Variants in ARHGAP22 observed in about 807,000 individuals in gnomAD.
ARHGAP22 encodes Rho GTPase activating protein 22.
ARHGAP22 carries 48 observed loss-of-function variants against 59.1 expected under a neutral mutation model. The observed-to-expected ratio is 0.81, with a 90% CI of 0.64 to 1.03. The LOEUF (loss-of-function observed/expected upper bound fraction) is 1.03, where lower values mean the gene tolerates loss of function less well. Among genes scored for constraint, ARHGAP22 ranks in the 50% least tolerant of loss-of-function variants. The pLI is 0.00. For missense variants in ARHGAP22, 1,015 were observed against 958.7 expected (o/e 1.06, Z -0.78); for synonymous variants, 445 against 416.4 (o/e 1.07, Z -0.84).
At chr10:48,454,836 C>T (rs12356940) in intron 6 of ARHGAP22, among the ~76,000 whole-genome samples, 166 bp downstream of exon 6, 3 of 151,820 alleles carry the variant, frequency 2.0e-5, no homozygotes, top group African/African-American at 7.2e-5. Context: ...GCCCCTCCCC[C>T]ACCCAAGCAG....
At chr10:48,463,749 C>G (rs1032048820) in intron 4 of ARHGAP22, among the ~76,000 whole-genome samples, 2 of 152,218 alleles carry the variant, frequency 1.3e-5, no homozygotes, top group Non-Finnish European at 2.9e-5. Context: ...CTACTCCAGA[C>G]AGTGTGAGGA....
Position 48,459,679 on chromosome 10 carries a change from C to T in ARHGAP22, c.659+5G>A. 1 of 1,614,116 alleles carries T rather than the reference C, an allele frequency of 6.2e-7. No homozygotes were observed. Among genetic ancestry groups the T allele is most frequent in the Non-Finnish European group, 8.5e-7 (1 of 1,179,986 alleles). ...GCTCCACCTTACCCCCGATCACAAG[C>T]TCACCTGTCAAACAGTGGCTTCTCC... On this transcript the variant is annotated splice_donor_5th_base_variant and intron_variant, in intron 5 of 9. Coordinates refer to ENST00000249601, the MANE Select transcript of ARHGAP22 (RefSeq NM_021226.4).
chr10:48,552,519 C>T (rs2056979986), intron 3 of ARHGAP22, among the ~76,000 whole-genome samples: 1 of 152,238 alleles, frequency 6.6e-6, no homozygotes, highest in Admixed American at 6.5e-5. Context: ...GCACATTTAC[C>T]CCGGGGGCTG....
At chr10:48,572,358 G>T (rs2058450636) in intron 2 of ARHGAP22, among the ~76,000 whole-genome samples, 1 of 152,208 alleles carries the variant, frequency 6.6e-6, no homozygotes, top group African/African-American at 2.4e-5. Flanking sequence ...CCAACCCCTG[G>T]TCCACAAGTC....
the ARHGAP22 span, among the ~76,000 whole-genome samples, chr10:48,432,135 G>A: frequency 6.6e-6 from 1 of 152,134 alleles, no homozygotes; most frequent in Non-Finnish European, 1.5e-5. Flanking sequence ...GTATGAAGGA[G>A]GTGAAATTTG....
At chr10:48,576,928 C>A (rs2058752175) in intron 2 of ARHGAP22, among the ~76,000 whole-genome samples, 1 of 151,456 alleles carries the variant, frequency 6.6e-6, no homozygotes, top group African/African-American at 2.4e-5. Flanking sequence ...CACCCACCGC[C>A]ACCCAACCAC....
rs147381771 is a variant in ARHGAP22 at position 48,460,974 on chromosome 10, G to A, written c.452-1083C>T. On this transcript the variant is annotated intron_variant, in intron 4 of 9. Coordinates refer to ENST00000249601, the MANE Select transcript of ARHGAP22 (RefSeq NM_021226.4). The stretch of plus-strand genomic sequence containing the variant: ...AGTAGAATGGTGGCTGCAAGGAGCT[G>A]GGGACAGGGGAGATGGCAAGTTAGA... Among the ~76,000 whole-genome samples the A allele has an allele frequency of 2.5e-3, 379 of 152,338 alleles. 2 individuals are homozygous for A. Among genetic ancestry groups the A allele is most frequent in the African/African-American group, 8.8e-3 (364 of 41,564 alleles).
At chr10:48,496,878 G>T (rs2050991822) in intron 3 of ARHGAP22, among the ~76,000 whole-genome samples, 1 of 152,132 alleles carries the variant, frequency 6.6e-6, no homozygotes, top group Non-Finnish European at 1.5e-5. Flanking sequence ...AGGAACCAAG[G>T]TGCCCTAACT....
At chr10:48,493,322 T>C (rs1181118987) in intron 3 of ARHGAP22, 1 of 1,118,788 alleles carries the variant, frequency 8.9e-7, no homozygotes, top group East Asian at 2.6e-5. Context: ...ATGTCTTTCA[T>C]TTCTCTTTAC....
At chr10:48,500,021 G>C (rs553095119) in intron 3 of ARHGAP22, among the ~76,000 whole-genome samples, 29 of 151,492 alleles carry the variant, frequency 1.9e-4, no homozygotes, top group African/African-American at 6.4e-4. Flanking sequence ...AGTGAAGTCC[G>C]ACCAGCCCAA....
At chr10:48,610,394 A>G (rs896264316) in intron 1 of ARHGAP22, among the ~76,000 whole-genome samples, 2 of 152,112 alleles carry the variant, frequency 1.3e-5, no homozygotes, top group African/African-American at 4.8e-5. Flanking sequence ...TGCAACCTGT[A>G]TCCTTGGGCA....
chr10:48,488,810 A>G (rs140754337), intron 3 of ARHGAP22, among the ~76,000 whole-genome samples: 1 of 152,272 alleles, frequency 6.6e-6, no homozygotes. Flanking sequence ...GCATGGCTCA[A>G]TTCTCAAGGC....
intron 9 of ARHGAP22, among the ~76,000 whole-genome samples, chr10:48,449,418 A>G (rs2045675379): frequency 1.3e-5 from 2 of 152,196 alleles, no homozygotes; most frequent in Admixed American, 1.3e-4. Context: ...CTGTCAGCAG[A>G]GCAAAAGGGC....
intron 1 of ARHGAP22, among the ~76,000 whole-genome samples, chr10:48,649,013 C>A (rs1285217609): frequency 1.3e-5 from 2 of 152,140 alleles, no homozygotes; most frequent in Admixed American, 6.5e-5. Context: ...GGGGAGGATC[C>A]TTTGCAAAGA....
downstream of ARHGAP22, among the ~76,000 whole-genome samples, chr10:48,442,457 C>A (rs1192013589): frequency 2.0e-5 from 3 of 152,208 alleles, no homozygotes; most frequent in Non-Finnish European, 4.4e-5. Flanking sequence ...GGCAAACATA[C>A]CCAGAAGAGT....
chr10:48,637,105 T>C (rs1407130851), intron 1 of ARHGAP22, among the ~76,000 whole-genome samples: 1 of 152,164 alleles, frequency 6.6e-6, no homozygotes, highest in African/African-American at 2.4e-5. Flanking sequence ...TCTGAGAAGC[T>C]GATCTCCCCA....
In ARHGAP22 at chr10:48,481,365, T is replaced by C. The variant is rs563628091; in HGVS notation, c.323-1601A>G. Among the ~76,000 whole-genome samples, 159 of 152,242 alleles carry C rather than the reference T, an allele frequency of 1.0e-3. 1 individual carries two copies. The highest frequency in any genetic ancestry group is 3.6e-3 in the African/African-American group (151 of 41,558). On this transcript the variant is annotated intron_variant, in intron 3 of 9. Transcript: ENST00000249601. ...GGAAGCCAGATGTCACCAGGAAGCT[T>C]TTCTATGTCAGCATTCCTAGAAAAA...
At chr10:48,561,282 G>A (rs546827589) in intron 2 of ARHGAP22, among the ~76,000 whole-genome samples, 4 of 152,224 alleles carry the variant, frequency 2.6e-5, no homozygotes, top group African/African-American at 7.2e-5. Context: ...ACAAATGATG[G>A]TTGAGCAACT....
chr10:48,558,008 T>C (rs1182373368), intron 2 of ARHGAP22, among the ~76,000 whole-genome samples: 1 of 152,228 alleles, frequency 6.6e-6, no homozygotes, highest in Non-Finnish European at 1.5e-5. Context: ...CAGGGCTTGT[T>C]AAAACACAGA....
Sources: gnomAD v4.1 joint callset for allele counts (sites outside exome capture counted in the v4.1 genomes callset) on GRCh38, gnomAD v4.1.1 for gene constraint, MANE v1.5 for transcripts, NCBI Gene and HGNC (gene_info 2026-07-23, HGNC 2026-07-21) for gene names.